Variants in CARD10 observed in about 807,000 individuals in gnomAD.
CARD10 encodes caspase recruitment domain family member 10, also known as caspase recruitment domain-containing protein 10.
CARD10 carries 49 observed loss-of-function variants against 114.6 expected under a neutral mutation model. That is an observed-to-expected ratio of 0.43 (90% CI 0.34 to 0.54). CARD10 has a LOEUF of 0.54. Ranked by LOEUF, CARD10 falls within the 20% of genes least tolerant of loss-of-function variation. The probability of loss-of-function intolerance (pLI) is 0.03; values close to 1 mark genes in which losing one functional copy is unlikely to be tolerated. For missense variants in CARD10, 1,206 were observed against 1,397.2 expected, an observed-to-expected ratio of 0.86 and a Z score of 2.18; for synonymous variants, 602 against 593.2, an observed-to-expected ratio of 1.01 and a Z score of -0.21.
At chr22:37,507,123 AC>A (rs1923440007) in intron 6 of CARD10, among the ~76,000 whole-genome samples, 1 of 152,224 alleles carries the variant, frequency 6.6e-6, no homozygotes, top group African/African-American at 2.4e-5. Flanking sequence ...TACTAAAGAT[AC>A]AAAAATTAGC....
At position 37,516,417 on chromosome 22, in the gene CARD10, T is replaced by C. The variant is rs377190660; in HGVS notation, c.374-119A>G. 435 of 721,542 alleles carry C rather than the reference T, an allele frequency of 6.0e-4. 2 individuals carry two copies. The East Asian group carries it at 7.9e-3, about 13-fold the overall frequency. The allele number at this position is 721,542 out of a possible 1,614,324, so 44.7% of individuals were successfully genotyped here. On this transcript the variant is annotated intron_variant, in intron 2 of 19. Coordinates refer to ENST00000251973, the MANE Select transcript of CARD10 (RefSeq NM_014550.4). ...ACTAGAGGGAAATTCTGGAATATAT[T>C]TGTAGAATTGGGAGCAGGGGAGGTC...
chr22:37,500,523 G>A (rs1923175964), intron 11 of CARD10, among the ~76,000 whole-genome samples: 1 of 152,088 alleles, frequency 6.6e-6, no homozygotes, highest in Non-Finnish European at 1.5e-5. Flanking sequence ...CGGCACCCAG[G>A]CTCCAGGAGC....
chr22:37,519,279 C>T lies in CARD10; in HGVS notation c.-79G>A, dbSNP rs1456899219. The T allele has an allele frequency of 5.8e-6, 8 of 1,386,256 alleles. No homozygotes were observed. The highest frequency in any genetic ancestry group is 6.5e-6 in the Non-Finnish European group (7 of 1,073,444). 85.9% of individuals were successfully genotyped at this position (1,386,256 alleles called of 1,614,324 possible). ...CCCTAGGGCTAGATGTGCGGCCAAG[C>T]ACCCCCGGGGCGTCGTCCGCAGACC... On this transcript the variant is annotated 5_prime_UTR_variant, in exon 1 of 20. Transcript: ENST00000251973. This position sits in a 1 kb window ranked among gnomAD's most constrained non-coding sequence, Gnocchi z 4.1.
chr22:37,510,376 C>T lies in CARD10; in HGVS notation c.745G>A (p.Ala249Thr), dbSNP rs1923595674. The T allele has an allele frequency of 6.2e-7, 1 of 1,613,528 alleles. No homozygotes were observed. Among genetic ancestry groups the T allele is most frequent in the African/African-American group, 1.3e-5 (1 of 74,932 alleles). Residue 249 changes from alanine to threonine, a missense_variant, in exon 4 of 20, where the codon GCA (alanine) becomes ACA (threonine). Physicochemically the swap from Ala to Thr is moderately conservative, Grantham distance 58. Transcript: ENST00000251973. ...GGGCCCCTGGCCCTTCGAAGCAGTGCACACTCTTCCTCCAGCCGACTCACT... is the reference window on the plus strand; with the variant it reads ...GGGCCCCTGGCCCTTCGAAGCAGTGTACACTCTTCCTCCAGCCGACTCACT... ...LKVSRLEEEC[A>T]LLRRARGPPP...
chr22:37,518,893 T>C, intron 1 of CARD10, 73 bp downstream of exon 1: 2 of 1,445,524 alleles, frequency 1.4e-6, no homozygotes, highest in Non-Finnish European at 9.1e-7. Context: ...AGCTTCGCGC[T>C]ACACGGCTGT....
In CARD10 at chr22:37,494,178, C is replaced by G; in HGVS notation, c.2384G>C (p.Arg795Thr). Residue 795 changes from arginine to threonine, a missense_variant, in exon 16 of 20, where the codon AGA (arginine) becomes ACA (threonine). Around this residue, in one of 2 missense-constraint regions of CARD10, gnomAD observed 1,068 missense variants for 1,179.1 expected, o/e 0.91. Transcript: ENST00000251973. ...CACCAGCCGCAGCTGGTCCAGGGCT[C>G]TCTTCTTCAGCTGGGAGGGTGCAGG... ...HRGPRSNLKK[R>T]ALDQLRLVRP... 1 of 1,553,930 alleles carries G rather than the reference C, an allele frequency of 6.4e-7. No individual in the cohort carries two copies. Among genetic ancestry groups the G allele is most frequent in the Non-Finnish European group, 8.7e-7 (1 of 1,148,710 alleles).
chr22:37,492,854 C>T lies in CARD10; in HGVS notation c.2477-52G>A, dbSNP rs757570334. 17 of 1,575,638 alleles carry T rather than the reference C, an allele frequency of 1.1e-5. No homozygotes were observed. The highest frequency in any genetic ancestry group is 1.5e-5 in the Non-Finnish European group (17 of 1,165,032). On this transcript the variant is annotated intron_variant, in intron 16 of 19. Coordinates refer to ENST00000251973, the MANE Select transcript of CARD10 (RefSeq NM_014550.4). This position sits in a 1 kb window ranked among gnomAD's most constrained non-coding sequence, Gnocchi z 5.7. ...GATAAGGGCACAGGCAGGCAGCATA[C>T]CAGCTCGTCGATACCCCAAAACCCA...
At chr22:37,494,236 C>T (rs1271821672) in intron 15 of CARD10, 48 bp from the exon 16 acceptor site, 13 of 1,339,602 alleles carry the variant, frequency 9.7e-6, no homozygotes, top group Non-Finnish European at 1.2e-5. Flanking sequence ...CAGCCCCGCC[C>T]CCTCAGGGAG....
In CARD10 at chr22:37,510,481, G is replaced by A. The variant is rs1923600813; in HGVS notation, c.700-60C>T. The A allele has an allele frequency of 3.3e-6, 5 of 1,514,122 alleles. No homozygotes were observed. The East Asian group carries it at 6.9e-5, about 21-fold the overall frequency. The allele number at this position is 1,514,122 out of a possible 1,614,324, so 93.8% of individuals were successfully genotyped here. A position where few individuals can be genotyped will look rare whatever the true frequency, so the allele number is the denominator to read the frequency against. ...ACACACTGGGAGCCACGGGTTACAG[G>A]GGTGGGAAGACCTGCTCCCTCACTC... On this transcript the variant is annotated intron_variant, in intron 3 of 19. Transcript: ENST00000251973.
chr22:37,497,854 CAA>C (rs112439993), intron 11 of CARD10, among the ~76,000 whole-genome samples: 33 of 90,054 alleles, frequency 3.7e-4, no homozygotes, highest in Admixed American at 3.7e-4. Context: ...AACTCTGTCT[CAA>C]AAAAAAAAAA....
rs761731328 is a variant in CARD10, at chr22:37,507,993, G to C, written c.1066-39C>G. The C allele has an allele frequency of 1.7e-5, 27 of 1,611,016 alleles. 1 individual carries two copies. The highest frequency in any genetic ancestry group is 2.3e-5 in the Non-Finnish European group (27 of 1,178,786). ...GGGGCGGGGTCAGACCACAGGGCTG[G>C]GGACCATGAGAAAGCTAACCAGCAG... is the stretch of plus-strand genomic sequence containing the variant. On this transcript the variant is annotated intron_variant, in intron 5 of 19. Coordinates refer to ENST00000251973, the MANE Select transcript of CARD10 (RefSeq NM_014550.4).
chr22:37,497,074 G>A lies in CARD10; in HGVS notation c.1892C>T (p.Ala631Val), dbSNP rs1427102872. The change falls in exon 12 of 20, where the codon GCT becomes GTT. Residue 631 changes from alanine to valine, a missense_variant. This residue lies in a region of CARD10 where 1,068 missense variants were observed against 1,179.1 expected (regional missense o/e 0.91). Coordinates refer to ENST00000251973, the MANE Select transcript of CARD10 (RefSeq NM_014550.4). ...CCCAGACAGCACCCTGCGCACCACA[G>A]CCCCAGACCATCTGTCCCCATAAAA... ...LSFYGDRWSG[A>V]VVRRVLSGPG... is the part of the protein sequence containing the mutation. 15 of 1,613,980 alleles carry A rather than the reference G, an allele frequency of 9.3e-6. No individual in the cohort carries two copies. The highest frequency in any genetic ancestry group is 1.3e-5 in the Non-Finnish European group (15 of 1,180,014).
intron 11 of CARD10, among the ~76,000 whole-genome samples, chr22:37,500,717 TG>T (rs1923182698): frequency 6.6e-6 from 1 of 152,178 alleles, no homozygotes; most frequent in African/African-American, 2.4e-5. Context: ...GCCTGTGACT[TG>T]GGACCAATTT....
chr22:37,502,372 C>T (rs1052303992), intron 11 of CARD10, among the ~76,000 whole-genome samples: 1 of 152,244 alleles, frequency 6.6e-6, no homozygotes, highest in Admixed American at 6.5e-5. Flanking sequence ...CATCATCTCC[C>T]TTTAGCTACT....
At chr22:37,514,744 T>C (rs1255623743) in intron 3 of CARD10, 1 of 152,298 alleles carries the variant, frequency 6.6e-6, no homozygotes, top group African/African-American at 2.4e-5. Context: ...CAGAACCCAC[T>C]GTGCAGCCTC....
chr22:37,509,057 A>G, intron 4 of CARD10: 1 of 1,549,664 alleles, frequency 6.5e-7, no homozygotes. Flanking sequence ...TCCCACCCCC[A>G]TGACTAGGGG....
rs1923465995 is a variant in CARD10 at position 37,507,854 on chromosome 22, T to A, written c.1166A>T (p.Glu389Val). The A allele has an allele frequency of 6.2e-7, 1 of 1,614,126 alleles. No homozygotes were observed. Among genetic ancestry groups the A allele is most frequent in the Non-Finnish European group, 8.5e-7 (1 of 1,179,998 alleles). ...HRMATVLAQL[E>V]EIEKERDQAI... is the part of the protein sequence containing the mutation. ...CTGGTCTCGCTCCTTCTCAATCTCC[T>A]CCAGTTGGGCCAGGACAGTGGCCAT... Residue 389 changes from glutamate to valine, a missense_variant, in exon 6 of 20, where the codon GAG (glutamate) becomes GTG (valine). By Grantham distance (121) the Glu-to-Val change is moderately radical. Transcript: ENST00000251973.
intron 9 of CARD10, 40 bp downstream of exon 9, chr22:37,504,146 C>T (rs370825398): frequency 1.7e-5 from 24 of 1,416,310 alleles, no homozygotes; most frequent in East Asian, 2.5e-5. Flanking sequence ...ACGGCAGCCC[C>T]ACCTCCCTGG....
rs757890774 is a variant in CARD10 at position 37,504,242 on chromosome 22, G to C, written c.1578C>G (p.Pro526=). The change falls in exon 9 of 20, where the codon CCC becomes CCG. Residue 526 remains proline, a synonymous_variant. Transcript: ENST00000251973. The part of the protein sequence containing the change: ...INRLSILPFP[P]SAGSILRRQR... ...GCCGGCGGAGGATGGAGCCGGCACT[G>C]GGGGGGAAGGGCAGGATGGAGAGCC... The C allele has an allele frequency of 4.4e-6, 7 of 1,576,398 alleles. No homozygotes were observed. Among genetic ancestry groups the C allele is most frequent in the Admixed American group, 1.8e-5 (1 of 54,976 alleles).
Sources: gnomAD v4.1 joint callset for allele counts (sites outside exome capture counted in the v4.1 genomes callset) on GRCh38, gnomAD v4.1.1 for gene constraint, gnomAD v4.1.1 regional missense constraint, Gnocchi (gnomAD v3.1) non-coding constraint, MANE v1.5 for transcripts, NCBI Gene and HGNC (gene_info 2026-07-23, HGNC 2026-07-21) for gene names.